Variants in BAHCC1 observed in about 807,000 individuals in gnomAD.
The protein encoded by BAHCC1 is BAH domain and coiled-coil containing 1.
In BAHCC1, 43 loss-of-function variants were observed where a neutral mutation model predicts 88.2. The observed-to-expected ratio is 0.49, with a 90% confidence interval of 0.38 to 0.63. The LOEUF (loss-of-function observed/expected upper bound fraction) is 0.63, where lower values mean the gene tolerates loss of function less well. BAHCC1 is among the 20% of genes least tolerant of loss of function. The probability of loss-of-function intolerance (pLI) is 0.00; values close to 1 mark genes in which losing one functional copy is unlikely to be tolerated. For missense variants in BAHCC1, 3,023 were observed against 1,654.8 expected (o/e 1.83, Z -14.34); for synonymous variants, 1,510 against 745.5 (o/e 2.03, Z -16.71).
At position 81,451,684 on chromosome 17, in the gene BAHCC1, G is replaced by A. The variant is rs1555655775; in HGVS notation, c.3993G>A (p.Val1331=). 1.3e-6 allele frequency: 1 copy of A among 776,672 alleles called. No individual in the cohort carries two copies. The highest frequency in any genetic ancestry group is 2.4e-6 in the Non-Finnish European group (1 of 417,732). The allele number at this position is 776,672 out of a possible 1,614,324, so 48.1% of individuals were successfully genotyped here. A position where few individuals can be genotyped will look rare whatever the true frequency, so the allele number is the denominator to read the frequency against. The change falls in exon 12 of 28, where the codon GTG becomes GTA. Residue 1331 remains valine, a synonymous_variant. Coordinates refer to ENST00000675386, the MANE Select transcript of BAHCC1 (RefSeq NM_001377448.1). ...GCCGCACAGAGGAGGAAGAGGACGT[G>A]CTAGCCTTCAACCTGCAGCACCTGG... is the stretch of plus-strand genomic sequence containing the variant. ...ERTVPEEEED[V]LAFNLQHLAT...
chr17:81,432,894 ATCCCCAGGCCCACCCTTCCCC>A (rs2064284259), intron 3 of BAHCC1, among the ~76,000 whole-genome samples: 36 of 5,622 alleles, frequency 6.4e-3, no homozygotes, highest in Non-Finnish European at 0.012. Context: ...CTCCCCCCCC[ATCCCCAGGCCCACCCTTCCCC>A]CCATCCCCAG....
chr17:81,400,032 G>T, intron 2 of BAHCC1, 115 bp downstream of exon 2: 8 of 960,964 alleles, frequency 8.3e-6, no homozygotes, highest in Non-Finnish European at 9.3e-6. Flanking sequence ...GGCCCCGGCC[G>T]CGGTGGCTGC....
chr17:81,403,714 G>GA (rs782225983), intron 2 of BAHCC1, among the ~76,000 whole-genome samples: 1 of 152,196 alleles, frequency 6.6e-6, no homozygotes, highest in Non-Finnish European at 1.5e-5. Context: ...AAGTAGGTGT[G>GA]AAAAGAGTTA....
intron 2 of BAHCC1, among the ~76,000 whole-genome samples, chr17:81,426,113 GGTTGGT>G (rs2064193549): frequency 8.8e-6 from 1 of 113,782 alleles, no homozygotes; most frequent in Non-Finnish European, 1.9e-5. Context: ...TGGGTGATGT[GGTTGGT>G]GGTGATAGTG....
At position 81,446,836 on chromosome 17, in the gene BAHCC1, A is replaced by C. The variant is rs1057492819; in HGVS notation, c.3164-200A>C. Reference sequence around the variant, plus strand: ...CCAAAGTTTTGGGATTACAGGTGTGAGCTACTGCACCCAGCCAGGTTGCCC... The same window carrying C: ...CCAAAGTTTTGGGATTACAGGTGTGCGCTACTGCACCCAGCCAGGTTGCCC... On this transcript the variant is annotated intron_variant, in intron 10 of 27. Transcript: ENST00000675386. The C allele has an allele frequency of 2.1e-5, 14 of 679,606 alleles. No homozygotes were observed. The Middle Eastern group carries it at 9.3e-4, about 45-fold the overall frequency. The allele number at this position is 679,606 out of a possible 1,614,324, so 42.1% of individuals were successfully genotyped here. A position where few individuals can be genotyped will look rare whatever the true frequency, so the allele number is the denominator to read the frequency against.
intron 14 of BAHCC1, among the ~76,000 whole-genome samples, chr17:81,454,560 C>G (rs2064709601): frequency 6.7e-6 from 1 of 149,122 alleles, no homozygotes; most frequent in African/African-American, 2.5e-5. Flanking sequence ...CCCCACCCAC[C>G]TGCCCCTACC....
intron 2 of BAHCC1, among the ~76,000 whole-genome samples, chr17:81,423,372 T>C (rs1388912508): frequency 2.0e-5 from 3 of 146,410 alleles, no homozygotes; most frequent in Non-Finnish European, 4.5e-5. Flanking sequence ...CCCCACCGCC[T>C]CTGCTGAGTC....
At position 81,443,884 on chromosome 17, in the gene BAHCC1, G is replaced by T. The variant is rs376743082; in HGVS notation, c.2291G>T (p.Arg764Leu). The T allele has an allele frequency of 4.2e-6, 3 of 713,478 alleles. No homozygotes were observed. Among genetic ancestry groups the T allele is most frequent in the Non-Finnish European group, 7.8e-6 (3 of 384,910 alleles). 44.2% of individuals were successfully genotyped at this position (713,478 alleles called of 1,614,324 possible). ...EEERTRLCDD[R>L]LGLASRELLL... ...GAGAGGACGAGGCTATGTGATGACC[G>T]CCTGGGGCTTGCCAGCCGCGAGCTG... is the stretch of plus-strand genomic sequence containing the variant. Residue 764 changes from arginine to leucine, a missense_variant, in exon 6 of 28, where the codon CGC becomes CTC. Arg to Leu is a moderately radical substitution (Grantham distance 102, BLOSUM62 -2). Transcript: ENST00000675386.
At chr17:81,424,891 G>A (rs1555650077) in intron 2 of BAHCC1, among the ~76,000 whole-genome samples, 1 of 151,602 alleles carries the variant, frequency 6.6e-6, no homozygotes, top group African/African-American at 2.4e-5. Flanking sequence ...TGATGTGGTA[G>A]TAATGTGGTT....
intron 9 of BAHCC1, 54 bp downstream of exon 9, chr17:81,445,232 T>C: frequency 1.4e-6 from 1 of 724,252 alleles, no homozygotes. Flanking sequence ...CAACCCTGCC[T>C]GGCCGGACCT....
In BAHCC1 at chr17:81,459,073, C is replaced by T. The variant is rs782096813; in HGVS notation, c.5625C>T (p.His1875=). 1.5e-4 allele frequency: 118 copies of T among 767,730 alleles called. No homozygotes were observed. The highest frequency in any genetic ancestry group is 4.5e-4 in the Middle Eastern group (2 of 4,446). The allele number at this position is 767,730 out of a possible 1,614,324, so 47.6% of individuals were successfully genotyped here. ...SAALARSCAI[H]KEDLRDGLPV... ...CCACAGCGCGCTCGTGTGCCATCCA[C>T]AAGGAGGACCTGCGGGACGGGCTGC... The change falls in exon 21 of 28, where the codon CAC becomes CAT. Residue 1875 remains histidine (H), a synonymous_variant. Coordinates refer to ENST00000675386, the MANE Select transcript of BAHCC1 (RefSeq NM_001377448.1).
At chr17:81,460,506 G>A (rs1208753804) in intron 24 of BAHCC1, 24 bp from the exon 25 acceptor site, 1 of 734,008 alleles carries the variant, frequency 1.4e-6, no homozygotes, top group Non-Finnish European at 2.5e-6. Context: ...TGGCACTGAA[G>A]CCCTTGGCCC....
chr17:81,453,292 G>A (rs987320653), intron 14 of BAHCC1, among the ~76,000 whole-genome samples: 14 of 152,360 alleles, frequency 9.2e-5, no homozygotes, highest in South Asian at 4.1e-4. Flanking sequence ...CGGCGCAGTC[G>A]TTGGCGCACT....
At position 81,464,133 on chromosome 17, in the gene BAHCC1, A is replaced by G; in HGVS notation, c.*316A>G. The stretch of plus-strand genomic sequence containing the variant: ...CACGGGAGATTTGAATCCAAGCCAT[A>G]TTCCCTAGTACCTCCGACTGTCTCC... On this transcript the variant is annotated 3_prime_UTR_variant, in exon 28 of 28. Transcript: ENST00000675386. 4.2e-6 allele frequency: 2 copies of G among 471,400 alleles called. No individual in the cohort carries two copies. Among genetic ancestry groups the G allele is most frequent in the Non-Finnish European group, 7.8e-6 (2 of 257,420 alleles). The allele number at this position is 471,400 out of a possible 1,614,324, so 29.2% of individuals were successfully genotyped here.
chr17:81,397,395 G>GAAA (rs869105058), intron 1 of BAHCC1, among the ~76,000 whole-genome samples: 3 of 132,572 alleles, frequency 2.3e-5, no homozygotes, highest in Non-Finnish European at 4.8e-5. Context: ...TTATTGGAGA[G>GAAA]AAAAAAAAAA....
At chr17:81,395,737 A>G (rs1254309743) in intron 1 of BAHCC1, 102 bp downstream of exon 1, 2 of 151,540 alleles carry the variant, frequency 1.3e-5, no homozygotes, top group East Asian at 3.9e-4. Context: ...TTTTAGCAAA[A>G]GAAATTCAGG....
In BAHCC1 at chr17:81,437,587, TCCCAAGGCCCA is replaced by T. The variant is rs2064353685; in HGVS notation, c.359-782_359-772del. On this transcript the variant is annotated intron_variant, in intron 3 of 27. Transcript: ENST00000675386. ...AGTGTGCCCCACACAGCCAGAGCTGTCCCAAGGCCCAGGGCCAGCCGCGTGGGTGGCTGGGT... is the reference window on the plus strand; with the variant it reads ...AGTGTGCCCCACACAGCCAGAGCTGTGGGCCAGCCGCGTGGGTGGCTGGGT... Among the ~76,000 whole-genome samples the T allele has an allele frequency of 9.2e-5, 14 of 152,306 alleles. No homozygotes were observed. The South Asian group carries it at 2.9e-3, about 32-fold the overall frequency.
At chr17:81,430,717 G>A (rs2064250714) in intron 3 of BAHCC1, among the ~76,000 whole-genome samples, 3 of 152,132 alleles carry the variant, frequency 2.0e-5, no homozygotes, top group Admixed American at 2.0e-4. Context: ...TTCCTGTGAT[G>A]CCTGCCAGGG....
intron 4 of BAHCC1, among the ~76,000 whole-genome samples, chr17:81,439,326 T>TA (rs1393307154): frequency 6.6e-6 from 1 of 152,178 alleles, no homozygotes; most frequent in Non-Finnish European, 1.5e-5. Context: ...TGAGAAGCGA[T>TA]ACAGGTGTGG....
Sources: gnomAD v4.1 joint callset for allele counts (sites outside exome capture counted in the v4.1 genomes callset) on GRCh38, gnomAD v4.1.1 for gene constraint, MANE v1.5 for transcripts, NCBI Gene and HGNC (gene_info 2026-07-23, HGNC 2026-07-21) for gene names.